Variants in PKIG observed in about 807,000 individuals in gnomAD.
PKIG encodes the protein cAMP-dependent protein kinase inhibitor gamma, also known as protein kinase (cAMP-dependent, catalytic) inhibitor gamma.
In PKIG, 1 loss-of-function variant was observed where a neutral mutation model predicts 6.8. The ratio of observed to expected loss-of-function variants is 0.15; its 90% CI spans 0.05 to 0.69. The LOEUF (loss-of-function observed/expected upper bound fraction) is 0.69, where lower values mean the gene tolerates loss of function less well. Among genes scored for constraint, PKIG ranks in the 30% least tolerant of loss-of-function variants. The pLI is 0.82. For synonymous variants in PKIG, 39 were observed against 43.0 expected, an observed-to-expected ratio of 0.91 and a Z score of 0.36; for missense variants, 77 against 104.0, an observed-to-expected ratio of 0.74 and a Z score of 1.13.
At chr20:44,537,850 T>G (rs2064527015) in intron 1 of PKIG, among the ~76,000 whole-genome samples, 1 of 151,992 alleles carries the variant, frequency 6.6e-6, no homozygotes, top group Admixed American at 6.6e-5. Flanking sequence ...CCTCCCAAAG[T>G]GCTGGGATTA....
chr20:44,548,516 A>G (rs920429116), intron 1 of PKIG, among the ~76,000 whole-genome samples: 1 of 152,212 alleles, frequency 6.6e-6, no homozygotes, highest in Non-Finnish European at 1.5e-5. Flanking sequence ...TGCACTGAAA[A>G]TGAAATACTT....
At position 44,618,412 on chromosome 20, in the gene PKIG, C is replaced by T. The variant is rs78526738; in HGVS notation, c.*48C>T. On this transcript the variant is annotated 3_prime_UTR_variant, in exon 4 of 4. Coordinates refer to ENST00000372886, the MANE Select transcript of PKIG (RefSeq NM_001281445.2). ...TGGACGAGAGACCTTCTGTCCCCTCCCAGAGGGGGAACCCTGGCACTGGCC... is the reference window on the plus strand; with the variant it reads ...TGGACGAGAGACCTTCTGTCCCCTCTCAGAGGGGGAACCCTGGCACTGGCC... 1.9e-4 allele frequency: 240 copies of T among 1,261,048 alleles called. No homozygotes were observed. Among genetic ancestry groups the T allele is most frequent in the Non-Finnish European group, 2.6e-4 (225 of 858,076 alleles). The allele number at this position is 1,261,048 out of a possible 1,614,324, so 78.1% of individuals were successfully genotyped here.
chr20:44,614,714 G>A lies in PKIG; in HGVS notation c.151+7G>A. The A allele has an allele frequency of 1.9e-6, 3 of 1,613,456 alleles. No individual in the cohort carries two copies. Among genetic ancestry groups the A allele is most frequent in the Non-Finnish European group, 2.5e-6 (3 of 1,179,984 alleles). Reference sequence around the variant, plus strand: ...CTGGCACTCGAGGGGGCAGGTTAGAGCCAGCAGGTCCTTGGCACTACTGCA... The same window carrying A: ...CTGGCACTCGAGGGGGCAGGTTAGAACCAGCAGGTCCTTGGCACTACTGCA... On this transcript the variant is annotated splice_region_variant and intron_variant, in intron 3 of 3. Coordinates refer to ENST00000372886, the MANE Select transcript of PKIG (RefSeq NM_001281445.2). This position sits in a 1 kb window ranked among gnomAD's most constrained non-coding sequence, Gnocchi z 4.6.
At chr20:44,540,881 C>T (rs912703063) in intron 1 of PKIG, among the ~76,000 whole-genome samples, 3 of 152,292 alleles carry the variant, frequency 2.0e-5, no homozygotes, top group Middle Eastern at 3.4e-3. Flanking sequence ...TGCGCCTGGC[C>T]GTACTGATGT....
intron 1 of PKIG, among the ~76,000 whole-genome samples, chr20:44,571,828 A>G (rs533145348): frequency 1.8e-4 from 28 of 152,310 alleles, no homozygotes; most frequent in African/African-American, 5.8e-4. Flanking sequence ...AATGGGGGCA[A>G]TGGGCATTGG....
chr20:44,543,375 C>T (rs1600837980), intron 1 of PKIG, among the ~76,000 whole-genome samples: 2 of 151,868 alleles, frequency 1.3e-5, no homozygotes, highest in South Asian at 4.2e-4. Context: ...TCAATATTTG[C>T]AAACTTACTC....
chr20:44,593,295 C>T (rs1452520491), intron 2 of PKIG, among the ~76,000 whole-genome samples: 2 of 151,604 alleles, frequency 1.3e-5, no homozygotes, highest in Non-Finnish European at 2.9e-5. Context: ...AGTCATGCCA[C>T]TGTACTCCAG....
intron 1 of PKIG, among the ~76,000 whole-genome samples, chr20:44,544,086 T>A (rs2064588553): frequency 6.6e-6 from 1 of 150,990 alleles, no homozygotes; most frequent in Non-Finnish European, 1.5e-5. Flanking sequence ...AAAAAAAGAT[T>A]GTTCCTTAGA....
chr20:44,605,065 A>G (rs1379003182), intron 2 of PKIG, among the ~76,000 whole-genome samples: 1 of 152,216 alleles, frequency 6.6e-6, no homozygotes, highest in Non-Finnish European at 1.5e-5. Flanking sequence ...CCATCCTACA[A>G]CATGATACTA....
chr20:44,617,026 G>A (rs1216900675), intron 3 of PKIG, among the ~76,000 whole-genome samples: 1 of 152,138 alleles, frequency 6.6e-6, no homozygotes, highest in Non-Finnish European at 1.5e-5. Context: ...TTGGTGGCAG[G>A]CAGGGCTCTC....
intron 1 of PKIG, among the ~76,000 whole-genome samples, chr20:44,566,366 C>T (rs947808856): frequency 4.6e-5 from 7 of 152,158 alleles, no homozygotes; most frequent in Non-Finnish European, 8.8e-5. Flanking sequence ...TGTTGTAATG[C>T]TTATTAAATT....
chr20:44,583,645 G>A (rs1247678386), intron 1 of PKIG, among the ~76,000 whole-genome samples: 1 of 152,126 alleles, frequency 6.6e-6, no homozygotes, highest in Middle Eastern at 3.2e-3. Flanking sequence ...TATATTAGAA[G>A]GGTCACCCAA....
At chr20:44,610,476 CTCTCTCTCT>C (rs934519920) in intron 2 of PKIG, among the ~76,000 whole-genome samples, 8 of 137,988 alleles carry the variant, frequency 5.8e-5, no homozygotes, top group African/African-American at 2.1e-4. Flanking sequence ...CTCTCTCTCT[CTCTCTCTCT>C]TCTCTCTCTC....
At chr20:44,564,148 G>A (rs1367034151) in intron 1 of PKIG, 1 of 152,166 alleles carries the variant, frequency 6.6e-6, no homozygotes, top group Non-Finnish European at 1.5e-5. Context: ...TTTTTGGGGT[G>A]AGGTAAAAGA....
In PKIG at chr20:44,593,673, C is replaced by T. The variant is rs530486132; in HGVS notation, c.-24+3807C>T. Among the ~76,000 whole-genome samples the T allele has an allele frequency of 4.6e-5, 7 of 152,116 alleles. No homozygotes were observed. In the East Asian group the frequency reaches 7.7e-4, roughly 17 times the overall value. ...CAGTTATAAGATGAATAAATTTTGG[C>T]GACCTAATGTACAGCATGGTAATTA... On this transcript the variant is annotated intron_variant, in intron 2 of 3. Transcript: ENST00000372886.
At chr20:44,609,764 G>A (rs1343407105) in intron 2 of PKIG, among the ~76,000 whole-genome samples, 2 of 152,178 alleles carry the variant, frequency 1.3e-5, no homozygotes, top group Non-Finnish European at 2.9e-5. Context: ...GAGCCAGTGT[G>A]GCCTGCTCGG....
chr20:44,578,328 CA>C (rs3092061), upstream of PKIG, among the ~76,000 whole-genome samples: 22,911 of 87,212 alleles, frequency 0.26, 2,266 homozygotes, highest in African/African-American at 0.4. Context: ...GACTCCATCT[CA>C]AAAAAAAAAA....
chr20:44,556,454 CT>C (rs2064714016), intron 1 of PKIG, among the ~76,000 whole-genome samples: 1 of 152,272 alleles, frequency 6.6e-6, no homozygotes, highest in African/African-American at 2.4e-5. Flanking sequence ...CCTCTGCCTC[CT>C]GGGTTCAAGT....
chr20:44,532,292 G>C (rs774513772), intron 1 of PKIG, among the ~76,000 whole-genome samples: 2 of 152,180 alleles, frequency 1.3e-5, no homozygotes, highest in Admixed American at 6.5e-5. Context: ...AAATTTATTT[G>C]TGTGTGTGAC....
Sources: allele counts gnomAD v4.1 joint callset (sites outside exome capture counted in the v4.1 genomes callset), GRCh38; gene constraint gnomAD v4.1.1; non-coding constraint Gnocchi (gnomAD v3.1); transcripts MANE v1.5; gene names NCBI Gene and HGNC (gene_info 2026-07-23, HGNC 2026-07-21).